The following GLRB variants were observed in gnomAD, a reference collection of about 807,000 sequenced individuals.
The protein encoded by GLRB is glycine receptor subunit beta.
In GLRB, 33 loss-of-function variants were observed where a neutral mutation model predicts 54.2. The ratio of observed to expected loss-of-function variants is 0.61; its 90% CI spans 0.46 to 0.81. The LOEUF (loss-of-function observed/expected upper bound fraction) is 0.81, where lower values mean the gene tolerates loss of function less well. Ranked by LOEUF, GLRB falls within the 40% of genes least tolerant of loss-of-function variation. The pLI, the probability that GLRB is intolerant of heterozygous loss-of-function variation, is 0.00. For missense variants in GLRB, 572 were observed against 584.6 expected (o/e 0.98, Z 0.22); for synonymous variants, 209 against 208.2 (o/e 1.00, Z -0.03).
At position 157,138,821 on chromosome 4, in the gene GLRB, C is replaced by A; in HGVS notation, c.623C>A (p.Thr208Asn). The A allele has an allele frequency of 1.3e-6, 2 of 1,545,082 alleles. No homozygotes were observed. Among genetic ancestry groups the A allele is most frequent in the Non-Finnish European group, 1.8e-6 (2 of 1,118,526 alleles). The change falls in exon 7 of 10, where the codon ACT becomes AAT. Residue 208 changes from threonine (T) to asparagine (N), a missense_variant. Transcript: ENST00000264428. ...TTTTTGTTTATAGTTGGTTACACAA[C>A]TGATGATTTACGATTTATCTGGCAG... ...KMQLESFGYT[T>N]DDLRFIWQSG...
At chr4:157,078,856 T>C (rs1157481888) in intron 2 of GLRB, among the ~76,000 whole-genome samples, 1 of 151,896 alleles carries the variant, frequency 6.6e-6, no homozygotes, top group Non-Finnish European at 1.5e-5. Flanking sequence ...CACTGCAACC[T>C]CTACCTCCCG....
At chr4:157,159,792 C>G (rs1425302404) in intron 9 of GLRB, among the ~76,000 whole-genome samples, 2 of 152,060 alleles carry the variant, frequency 1.3e-5, no homozygotes, top group African/African-American at 4.8e-5. Flanking sequence ...ATCTAAAATT[C>G]TCTTTTTTTG....
intron 2 of GLRB, among the ~76,000 whole-genome samples, chr4:157,087,410 T>C (rs1407490315): frequency 6.6e-6 from 1 of 152,152 alleles, no homozygotes; most frequent in African/African-American, 2.4e-5. Context: ...TAGTGAAAAG[T>C]TTGATCTCAA....
In GLRB at chr4:157,122,267, A is replaced by G. The variant is rs1007203215; in HGVS notation, c.230-63A>G. 5 of 677,834 alleles carry G rather than the reference A, an allele frequency of 7.4e-6. No individual in the cohort carries two copies. The Admixed American group carries it at 7.4e-5, about 10-fold the overall frequency. 42.0% of individuals were successfully genotyped at this position (677,834 alleles called of 1,614,324 possible). On this transcript the variant is annotated intron_variant, in intron 3 of 9. Coordinates refer to ENST00000264428, the MANE Select transcript of GLRB (RefSeq NM_000824.5). ...ATAATTAAATGTGCAAACCAAAAAA[A>G]CTATGATGATTCTGACCAAGTTTTT...
At chr4:157,084,667 G>C (rs1398564153) in intron 2 of GLRB, 1 of 456,140 alleles carries the variant, frequency 2.2e-6, no homozygotes, top group Admixed American at 2.3e-5. Context: ...CCTTCAGAGA[G>C]AGATTGTACC....
intron 2 of GLRB, among the ~76,000 whole-genome samples, chr4:157,109,434 G>T (rs1735338677): frequency 6.6e-6 from 1 of 151,778 alleles, no homozygotes; most frequent in African/African-American, 2.4e-5. Flanking sequence ...GATGGAATCT[G>T]TAGGAAAAGC....
At chr4:157,120,468 A>G in intron 2 of GLRB, 88 bp from the exon 3 acceptor site, 1 of 604,776 alleles carries the variant, frequency 1.7e-6, no homozygotes, top group Non-Finnish European at 3.1e-6. Flanking sequence ...TTTGTCTCAA[A>G]AAGGCAGTCT....
chr4:157,146,624 G>C (rs1168719012), intron 8 of GLRB, among the ~76,000 whole-genome samples: 3 of 152,006 alleles, frequency 2.0e-5, no homozygotes, highest in Non-Finnish European at 4.4e-5. Flanking sequence ...TTGGAGACCA[G>C]CCTTGCCAAC....
intron 2 of GLRB, among the ~76,000 whole-genome samples, chr4:157,085,625 T>C (rs1223548110): frequency 1.3e-5 from 2 of 151,918 alleles, no homozygotes; most frequent in African/African-American, 4.8e-5. Flanking sequence ...GCCTCCCGAG[T>C]AGCTGGGACT....
intron 9 of GLRB, among the ~76,000 whole-genome samples, chr4:157,165,090 T>A (rs1170066797): frequency 2.0e-5 from 3 of 152,216 alleles, no homozygotes; most frequent in African/African-American, 7.2e-5. Flanking sequence ...AAATTACTTT[T>A]ATTCTTTACA....
chr4:157,149,192 A>G (rs1402708738), intron 8 of GLRB, among the ~76,000 whole-genome samples: 2 of 152,138 alleles, frequency 1.3e-5, no homozygotes, highest in African/African-American at 2.4e-5. Flanking sequence ...CAGACAACAT[A>G]GAGCATAAAG....
intron 1 of GLRB, among the ~76,000 whole-genome samples, chr4:157,076,710 G>T (rs1380023488): frequency 2.0e-5 from 3 of 152,062 alleles, no homozygotes; most frequent in African/African-American, 7.2e-5. Context: ...CGTTAGGGGG[G>T]CTCGGCCCTC....
rs924892850 is a variant in GLRB at position 157,120,421 on chromosome 4, TA to T, written c.123-127del. The stretch of plus-strand genomic sequence containing the variant: ...AAATAAAATAATAAAATAAAATAAA[TA>T]AAAAAAAGAAGAAAAAGCCATACTA... On this transcript the variant is annotated intron_variant, in intron 2 of 9. Coordinates refer to ENST00000264428, the MANE Select transcript of GLRB (RefSeq NM_000824.5). 6.1e-4 allele frequency: 165 copies of T among 272,634 alleles called. 1 individual carries two copies. The highest frequency in any genetic ancestry group is 2.2e-3 in the South Asian group (28 of 12,450). The allele number at this position is 272,634 out of a possible 1,614,324, so 16.9% of individuals were successfully genotyped here.
chr4:157,093,087 CT>C (rs1734677080), intron 2 of GLRB, among the ~76,000 whole-genome samples: 1 of 152,108 alleles, frequency 6.6e-6, no homozygotes, highest in African/African-American at 2.4e-5. Flanking sequence ...GTCACTTAGC[CT>C]TTGAATATCT....
At chr4:157,132,085 A>G (rs1380170865) in intron 4 of GLRB, among the ~76,000 whole-genome samples, 2 of 151,728 alleles carry the variant, frequency 1.3e-5, no homozygotes, top group Non-Finnish European at 2.9e-5. Flanking sequence ...AGTGTTCTGG[A>G]TTTTGGCCAT....
At chr4:157,084,970 T>G (rs958984535) in intron 2 of GLRB, among the ~76,000 whole-genome samples, 1 of 152,238 alleles carries the variant, frequency 6.6e-6, no homozygotes, top group African/African-American at 2.4e-5. Context: ...TGGATACTAT[T>G]GAAAATTGCC....
chr4:157,152,008 G>A (rs897402120), intron 8 of GLRB, among the ~76,000 whole-genome samples: 3 of 152,192 alleles, frequency 2.0e-5, no homozygotes, highest in African/African-American at 7.2e-5. Flanking sequence ...AGGAAAAAGA[G>A]AGAGGAATGG....
chr4:157,096,828 G>C (rs1222089348), intron 2 of GLRB, among the ~76,000 whole-genome samples: 2 of 152,162 alleles, frequency 1.3e-5, no homozygotes, highest in African/African-American at 4.8e-5. Flanking sequence ...AGCAGGGGTG[G>C]CCTTTGAAGT....
chr4:157,132,272 G>A (rs778658182), intron 4 of GLRB, among the ~76,000 whole-genome samples: 1 of 151,542 alleles, frequency 6.6e-6, no homozygotes, highest in African/African-American at 2.4e-5. Flanking sequence ...TGATGGTTGA[G>A]TTTCAAGAGT....
Sources: allele counts gnomAD v4.1 joint callset (sites outside exome capture counted in the v4.1 genomes callset), GRCh38; gene constraint gnomAD v4.1.1; transcripts MANE v1.5; gene names NCBI Gene and HGNC (gene_info 2026-07-23, HGNC 2026-07-21).